The following ADGRB3 variants were observed in gnomAD, a reference collection of about 807,000 sequenced individuals.
ADGRB3 encodes adhesion G protein-coupled receptor B3, also known as brain-specific angiogenesis inhibitor 3.
Under a neutral mutation model 193.4 loss-of-function variants are expected in ADGRB3, and 37 were observed. The ratio of observed to expected loss-of-function variants is 0.19; its 90% CI spans 0.15 to 0.25. The LOEUF (loss-of-function observed/expected upper bound fraction) is 0.25. Ranked by LOEUF, ADGRB3 falls within the 10% of genes least tolerant of loss-of-function variation. The probability of loss-of-function intolerance (pLI) is 1.00; values close to 1 mark genes in which losing one functional copy is unlikely to be tolerated. For missense variants in ADGRB3, 1,637 were observed against 1,852.9 expected (o/e 0.88, Z 2.14); for synonymous variants, 690 against 644.2 (o/e 1.07, Z -1.08).
chr6:68,708,331 A>T (rs919733490), intron 3 of ADGRB3, among the ~76,000 whole-genome samples: 3 of 152,308 alleles, frequency 2.0e-5, no homozygotes, highest in South Asian at 2.1e-4. Flanking sequence ...TCTTCTTTTG[A>T]TTTCACAAGA....
At chr6:68,905,933 T>G in intron 3 of ADGRB3, among the ~76,000 whole-genome samples, 1 of 152,000 alleles carries the variant, frequency 6.6e-6, no homozygotes, top group South Asian at 2.1e-4. Flanking sequence ...AGAGAGAATG[T>G]CCTGACCACC....
intron 17 of ADGRB3, among the ~76,000 whole-genome samples, chr6:69,231,354 G>T (rs537876649): frequency 2.0e-5 from 3 of 152,234 alleles, no homozygotes; most frequent in African/African-American, 7.2e-5. Flanking sequence ...ATATTGAATT[G>T]ATTTATTGGG....
chr6:69,351,129 T>C (rs986665242), intron 26 of ADGRB3, among the ~76,000 whole-genome samples: 1 of 151,134 alleles, frequency 6.6e-6, no homozygotes, highest in African/African-American at 2.4e-5. Flanking sequence ...GTCTTGCTCT[T>C]GTCACCCAGG....
chr6:69,250,335 T>TTCTTA (rs1183796443), intron 20 of ADGRB3, among the ~76,000 whole-genome samples: 3 of 151,966 alleles, frequency 2.0e-5, no homozygotes, highest in Non-Finnish European at 4.4e-5. Context: ...TTTGTTTATT[T>TTCTTA]TTATTAGAAA....
At chr6:68,646,959 C>T (rs1768230786) in intron 3 of ADGRB3, among the ~76,000 whole-genome samples, 1 of 152,124 alleles carries the variant, frequency 6.6e-6, no homozygotes, top group South Asian at 2.1e-4. Flanking sequence ...TGAGTATAAT[C>T]CTGGGGACCA....
At chr6:68,984,198 G>A (rs1769007712) in intron 10 of ADGRB3, among the ~76,000 whole-genome samples, 1 of 152,140 alleles carries the variant, frequency 6.6e-6, no homozygotes, top group South Asian at 2.1e-4. Flanking sequence ...GGTCATATGA[G>A]GTTTCTATGG....
intron 3 of ADGRB3, among the ~76,000 whole-genome samples, chr6:68,835,205 T>C (rs2127385252): frequency 6.6e-6 from 1 of 152,274 alleles, no homozygotes; most frequent in East Asian, 1.9e-4. Flanking sequence ...ATACTTTCCA[T>C]ATATTCGCTG....
intron 3 of ADGRB3, among the ~76,000 whole-genome samples, chr6:68,647,158 C>A (rs1445320993): frequency 6.6e-6 from 1 of 152,136 alleles, no homozygotes; most frequent in Non-Finnish European, 1.5e-5. Context: ...TTTCTTATAA[C>A]CTCTTATCGT....
chr6:69,167,410 A>G (rs1018814440), intron 17 of ADGRB3, among the ~76,000 whole-genome samples: 2 of 152,150 alleles, frequency 1.3e-5, no homozygotes, highest in Non-Finnish European at 2.9e-5. Flanking sequence ...TCAGATATAC[A>G]TGGAAAAAAA....
chr6:68,962,144 C>A (rs1171711206), intron 8 of ADGRB3, among the ~76,000 whole-genome samples: 1 of 152,122 alleles, frequency 6.6e-6, no homozygotes, highest in Admixed American at 6.6e-5. Context: ...CAAGTCACTT[C>A]AGATAAATAG....
rs981598796 is a variant in ADGRB3 at position 69,075,916 on chromosome 6, G to C, written c.2437-79G>C. ...CACAAGATAAGAAATCTTCCATTCT[G>C]TTTCTATTTCACATAATCCCTCAAT... On this transcript the variant is annotated intron_variant, in intron 16 of 31. Coordinates refer to ENST00000370598, the MANE Select transcript of ADGRB3 (RefSeq NM_001704.3). The C allele has an allele frequency of 1.7e-5, 18 of 1,050,566 alleles. 1 individual carries two copies. The highest frequency in any genetic ancestry group is 7.9e-5 in the Admixed American group (4 of 50,666). 65.1% of individuals were successfully genotyped at this position (1,050,566 alleles called of 1,614,324 possible).
At chr6:68,695,468 C>T (rs368850608) in intron 3 of ADGRB3, among the ~76,000 whole-genome samples, 1 of 152,000 alleles carries the variant, frequency 6.6e-6, no homozygotes, top group Non-Finnish European at 1.5e-5. Context: ...CAGCAAAAGG[C>T]CTCTTCTGAG....
chr6:68,929,132 C>T (rs1241943334), intron 3 of ADGRB3, among the ~76,000 whole-genome samples: 1 of 152,126 alleles, frequency 6.6e-6, no homozygotes, highest in Non-Finnish European at 1.5e-5. Flanking sequence ...TTTACAAGGT[C>T]AAACCCACTG....
chr6:68,932,815 AG>A (rs1242458363), intron 4 of ADGRB3, among the ~76,000 whole-genome samples: 2 of 150,866 alleles, frequency 1.3e-5, no homozygotes, highest in Non-Finnish European at 3.0e-5. Flanking sequence ...TAATAATAAA[AG>A]ACAATATATT....
chr6:69,033,530 C>T (rs1770775750), intron 13 of ADGRB3, among the ~76,000 whole-genome samples: 1 of 152,042 alleles, frequency 6.6e-6, no homozygotes, highest in African/African-American at 2.4e-5. Flanking sequence ...CATTCTTTTG[C>T]AATGCAATTA....
At chr6:68,638,421 A>G (rs1320680090) in intron 2 of ADGRB3, among the ~76,000 whole-genome samples, 3 of 152,238 alleles carry the variant, frequency 2.0e-5, no homozygotes, top group African/African-American at 7.2e-5. Flanking sequence ...ATAATCTATT[A>G]AATGTTATTT....
chr6:68,845,797 G>A (rs1768262092), intron 3 of ADGRB3, among the ~76,000 whole-genome samples: 1 of 152,088 alleles, frequency 6.6e-6, no homozygotes, highest in Non-Finnish European at 1.5e-5. Context: ...GTCTTTATCA[G>A]CATTGTGAAA....
At chr6:68,776,830 A>T (rs1582192452) in intron 3 of ADGRB3, among the ~76,000 whole-genome samples, 1 of 152,256 alleles carries the variant, frequency 6.6e-6, no homozygotes, top group Admixed American at 6.5e-5. Context: ...AATTTTCTTG[A>T]AGATTTTTAC....
chr6:69,284,120 A>C (rs1767499903), intron 20 of ADGRB3, among the ~76,000 whole-genome samples: 1 of 152,170 alleles, frequency 6.6e-6, no homozygotes, highest in African/African-American at 2.4e-5. Context: ...TGAGATTTAT[A>C]CTTGGAGTCA....
Sources: allele counts gnomAD v4.1 joint callset (sites outside exome capture counted in the v4.1 genomes callset), GRCh38; gene constraint gnomAD v4.1.1; transcripts MANE v1.5; gene names NCBI Gene and HGNC (gene_info 2026-07-23, HGNC 2026-07-21).